Variants in ACSS2 observed in about 807,000 individuals in gnomAD.
ACSS2 encodes the protein acetyl-coenzyme A synthetase, cytoplasmic.
ACSS2 carries 58 observed loss-of-function variants against 90.6 expected under a neutral mutation model. The observed-to-expected ratio is 0.64, with a 90% CI of 0.52 to 0.80. ACSS2 has a LOEUF of 0.80. Ranked by LOEUF, ACSS2 falls within the 30% of genes least tolerant of loss-of-function variation. The probability of loss-of-function intolerance (pLI) is 0.00; values close to 1 mark genes in which losing one functional copy is unlikely to be tolerated. For missense variants in ACSS2, 759 were observed against 912.0 expected (o/e 0.83, Z 2.16); for synonymous variants, 300 against 330.9 (o/e 0.91, Z 1.01).
intron 1 of ACSS2, among the ~76,000 whole-genome samples, chr20:34,877,901 T>TAGATAGGC (rs1015088743): frequency 1.5e-5 from 2 of 132,418 alleles, no homozygotes; most frequent in African/African-American, 6.9e-5. Context: ...AAAGGACAGA[T>TAGATAGGC]AGATAGACAG....
chr20:34,877,873 C>T (rs1181345036), intron 1 of ACSS2, among the ~76,000 whole-genome samples: 6 of 143,290 alleles, frequency 4.2e-5, no homozygotes, highest in Non-Finnish European at 9.1e-5. Flanking sequence ...TCCCCCTACC[C>T]TTGCCCTCAG....
intron 2 of ACSS2, among the ~76,000 whole-genome samples, chr20:34,902,985 G>A (rs987155122): frequency 1.3e-4 from 19 of 148,284 alleles, no homozygotes; most frequent in Non-Finnish European, 2.7e-4. Context: ...CTCCCACCTT[G>A]GCTTCCCAAA....
chr20:34,892,853 G>C (rs2080366862), intron 2 of ACSS2, among the ~76,000 whole-genome samples: 1 of 152,152 alleles, frequency 6.6e-6, no homozygotes, highest in Admixed American at 6.5e-5. Context: ...CTAGGGATTT[G>C]CAAAGCTCAG....
chr20:34,894,520 C>T (rs1240126765), intron 2 of ACSS2, among the ~76,000 whole-genome samples: 3 of 151,688 alleles, frequency 2.0e-5, no homozygotes, highest in Non-Finnish European at 4.4e-5. Flanking sequence ...AAAAAATTAG[C>T]TGGGTATGGT....
chr20:34,904,709 G>A (rs2080753246), intron 2 of ACSS2, among the ~76,000 whole-genome samples: 1 of 152,084 alleles, frequency 6.6e-6, no homozygotes. Context: ...TGAAGTAGTT[G>A]GAGAAGACTC....
upstream of ACSS2, chr20:34,875,061 A>G: frequency 1.9e-6 from 1 of 534,676 alleles, no homozygotes; most frequent in South Asian, 1.4e-5. Flanking sequence ...GGAGTTAGAT[A>G]TTTAAGAATC....
At position 34,913,193 on chromosome 20, in the gene ACSS2, T is replaced by C; in HGVS notation, c.466+6T>C. 4 of 1,613,188 alleles carry C rather than the reference T, an allele frequency of 2.5e-6. No homozygotes were observed. Among genetic ancestry groups the C allele is most frequent in the Non-Finnish European group, 3.4e-6 (4 of 1,179,628 alleles). ...CAATGTTCTCCGAAAACAGGGTGAG[T>C]GTGGGGGTGTGGGAAAGGACTGGGG... On this transcript the variant is annotated splice_donor_region_variant and intron_variant, in intron 3 of 17. Coordinates refer to ENST00000360596, the MANE Select transcript of ACSS2 (RefSeq NM_018677.4).
At chr20:34,909,861 C>T (rs1353011273) in intron 2 of ACSS2, among the ~76,000 whole-genome samples, 2 of 151,862 alleles carry the variant, frequency 1.3e-5, no homozygotes, top group African/African-American at 4.8e-5. Context: ...GGACTACAGG[C>T]GTGCACCACC....
At chr20:34,896,838 G>A (rs1334957164) in intron 2 of ACSS2, among the ~76,000 whole-genome samples, 1 of 152,206 alleles carries the variant, frequency 6.6e-6, no homozygotes, top group Non-Finnish European at 1.5e-5. Flanking sequence ...GAGGTCAAGA[G>A]CCTGGCCAAC....
chr20:34,918,349 A>C (rs1444892067), intron 7 of ACSS2, among the ~76,000 whole-genome samples: 1 of 152,234 alleles, frequency 6.6e-6, no homozygotes, highest in Admixed American at 6.5e-5. Flanking sequence ...ATTTTGGACA[A>C]ATTCAAGGGA....
chr20:34,878,895 CT>C (rs11299664), intron 1 of ACSS2, among the ~76,000 whole-genome samples: 36,029 of 127,872 alleles, frequency 0.28, 4,005 homozygotes, highest in African/African-American at 0.45. Flanking sequence ...TTCTGCTTTT[CT>C]TTTTTTTTTT....
intron 2 of ACSS2, among the ~76,000 whole-genome samples, chr20:34,892,999 C>A (rs1348717349): frequency 1.3e-5 from 2 of 152,146 alleles, no homozygotes; most frequent in Non-Finnish European, 2.9e-5. Flanking sequence ...TTTAGTTGGC[C>A]AATATCTCTC....
At chr20:34,911,691 A>G (rs182510349) in intron 2 of ACSS2, among the ~76,000 whole-genome samples, 9 of 150,690 alleles carry the variant, frequency 6.0e-5, no homozygotes, top group Non-Finnish European at 1.0e-4. Context: ...TGCTCTATTT[A>G]TAATGCTTAT....
chr20:34,875,665 A>G (rs1305239974), upstream of ACSS2, among the ~76,000 whole-genome samples: 1 of 152,252 alleles, frequency 6.6e-6, no homozygotes, highest in African/African-American at 2.4e-5. Context: ...AAGCCTGACG[A>G]GGAAGTAAAA....
rs1433197651 is a variant in ACSS2, at chr20:34,879,537, C to G, written c.178+2714C>G. On this transcript the variant is annotated intron_variant, in intron 1 of 17. Coordinates refer to ENST00000360596, the MANE Select transcript of ACSS2 (RefSeq NM_018677.4). ...CACACACACACACACACCCCTACCC[C>G]CCCCAAAAAAACCCAGAAAAACTAA... 2.7e-5 allele frequency among the ~76,000 whole-genome samples: 4 copies of G among 148,538 alleles called. No individual in the cohort carries two copies. The East Asian group carries it at 7.9e-4, about 29-fold the overall frequency.
chr20:34,909,095 C>G (rs562529721), intron 2 of ACSS2, among the ~76,000 whole-genome samples: 2 of 149,226 alleles, frequency 1.3e-5, no homozygotes, highest in South Asian at 4.2e-4. Context: ...CCTGTAATCC[C>G]AACACTTTGG....
chr20:34,916,072 CTA>C (rs2081071499), intron 7 of ACSS2, among the ~76,000 whole-genome samples: 1 of 152,232 alleles, frequency 6.6e-6, no homozygotes, highest in South Asian at 2.1e-4. Context: ...TCTAAATCTG[CTA>C]TGATTAACCT....
intron 2 of ACSS2, among the ~76,000 whole-genome samples, chr20:34,907,089 A>G (rs2080824958): frequency 1.3e-5 from 2 of 151,788 alleles, no homozygotes; most frequent in Admixed American, 1.3e-4. Context: ...AATTTCAAAT[A>G]ATGGAACGTT....
At chr20:34,888,371 A>T (rs1267902048) in intron 2 of ACSS2, among the ~76,000 whole-genome samples, 1 of 151,074 alleles carries the variant, frequency 6.6e-6, no homozygotes, top group Non-Finnish European at 1.5e-5. Context: ...TGAATAGGAT[A>T]AAAAAAAACA....
Sources: gnomAD v4.1 joint callset for allele counts (sites outside exome capture counted in the v4.1 genomes callset) on GRCh38, gnomAD v4.1.1 for gene constraint, MANE v1.5 for transcripts, NCBI Gene and HGNC (gene_info 2026-07-23, HGNC 2026-07-21) for gene names.